Variants in RPTOR observed in about 807,000 individuals in gnomAD.
RPTOR encodes the protein regulatory associated protein of MTOR complex 1, also known as regulatory-associated protein of mTOR.
Under a neutral mutation model 169.9 loss-of-function variants are expected in RPTOR, and 21 were observed. That is an observed-to-expected ratio of 0.12 (90% CI 0.09 to 0.18). The LOEUF (loss-of-function observed/expected upper bound fraction) is 0.18, where lower values mean the gene tolerates loss of function less well. Among genes scored for constraint, RPTOR ranks in the 10% least tolerant of loss-of-function variants. The pLI, the probability that RPTOR is intolerant of heterozygous loss-of-function variation, is 1.00. For missense variants in RPTOR, 1,133 were observed against 1,855.9 expected (o/e 0.61, Z 7.16); for synonymous variants, 732 against 753.2 (o/e 0.97, Z 0.46).
At position 80,626,776 on chromosome 17, in the gene RPTOR, AATTATTATTATTATTATT is replaced by A. The variant is rs143412094; in HGVS notation, c.265+1002_265+1019del. Among the ~76,000 whole-genome samples the A allele has an allele frequency of 3.1e-3, 437 of 141,020 alleles. 4 individuals are homozygous for A. Among genetic ancestry groups the A allele is most frequent in the African/African-American group, 0.011 (400 of 37,886 alleles). 92.5% of individuals were successfully genotyped at this position (141,020 alleles called of 152,430 possible). On this transcript the variant is annotated intron_variant, in intron 2 of 33. Transcript: ENST00000306801. ...AGACAACACAAAATACCATTCTAGG[AATTATTATTATTATTATT>A]ATTATTATTATTATTATTTTTCATT...
chr17:80,773,913 C>G (rs1001800023), intron 6 of RPTOR: 1 of 985,250 alleles, frequency 1.0e-6, no homozygotes, highest in African/African-American at 1.7e-5. Context: ...AGACAGCTCC[C>G]GGTGGACACG....
At chr17:80,963,941 T>G (rs1199923359) in intron 33 of RPTOR, among the ~76,000 whole-genome samples, 2 of 152,160 alleles carry the variant, frequency 1.3e-5, no homozygotes, top group East Asian at 1.9e-4. Flanking sequence ...TCTGCCCACC[T>G]GCCGCCTTGT....
intron 9 of RPTOR, among the ~76,000 whole-genome samples, chr17:80,829,328 G>T (rs1012805515): frequency 6.6e-6 from 1 of 152,208 alleles, no homozygotes. Flanking sequence ...AGGAGGGCGC[G>T]GGCATGGGTA....
chr17:80,559,390 C>T (rs1211592517), intron 1 of RPTOR, among the ~76,000 whole-genome samples: 7 of 152,162 alleles, frequency 4.6e-5, no homozygotes, highest in South Asian at 2.1e-4. Context: ...TTTGGGAGCA[C>T]GTCCTGACTT....
intron 26 of RPTOR, 77 bp downstream of exon 26, chr17:80,945,858 A>C: frequency 1.3e-6 from 1 of 790,308 alleles, no homozygotes; most frequent in Non-Finnish European, 1.9e-6. Flanking sequence ...CCCGATCACC[A>C]CTCCTCTTCC....
chr17:80,962,872 A>C lies in RPTOR; in HGVS notation c.3810-56A>C, dbSNP rs2069363437. 1.9e-6 allele frequency: 3 copies of C among 1,608,088 alleles called. No individual in the cohort carries two copies. In the Admixed American group the frequency reaches 5.0e-5, roughly 27 times the overall value. On this transcript the variant is annotated intron_variant, in intron 32 of 33. Coordinates refer to ENST00000306801, the MANE Select transcript of RPTOR (RefSeq NM_020761.3). ...CCCCGCGGTCTCGGCATCTGCGCCC[A>C]TCTTCCATCCTCAAAGAAGAGGGCA...
At chr17:80,930,033 C>CTAGCTCATCCT (rs1555636861) in intron 24 of RPTOR, among the ~76,000 whole-genome samples, 1 of 148,930 alleles carries the variant, frequency 6.7e-6, no homozygotes, top group Admixed American at 6.7e-5. Context: ...TGGCTCATCC[C>CTAGCTCATCCT]CAGCTCATCC....
chr17:80,728,237 TTC>T (rs749190122), intron 4 of RPTOR, among the ~76,000 whole-genome samples: 24 of 152,210 alleles, frequency 1.6e-4, no homozygotes, highest in African/African-American at 5.5e-4. Flanking sequence ...ATCTAAAAAA[TTC>T]TCTGTCATGT....
At chr17:80,652,502 T>G (rs1194431973) in intron 3 of RPTOR, among the ~76,000 whole-genome samples, 2 of 152,362 alleles carry the variant, frequency 1.3e-5, no homozygotes, top group East Asian at 3.9e-4. Context: ...CCTTCTTGTG[T>G]GTGCATGTGT....
At chr17:80,827,984 C>T (rs963815746) in intron 9 of RPTOR, among the ~76,000 whole-genome samples, 6 of 152,198 alleles carry the variant, frequency 3.9e-5, no homozygotes, top group Admixed American at 2.0e-4. Flanking sequence ...TGCCAGCCTG[C>T]CCCATGCTGA....
rs576530045 is a variant in RPTOR, at chr17:80,665,316, T to C, written c.348+21506T>C. On this transcript the variant is annotated intron_variant, in intron 3 of 33. Transcript: ENST00000306801. The stretch of plus-strand genomic sequence containing the variant: ...TGCTTGTTTTCTTCTTGAGAAAATT[T>C]TTTTCTTTTCTTTTCCCTTTCCTTT... 4.1e-3 allele frequency among the ~76,000 whole-genome samples: 519 copies of C among 128,074 alleles called. 5 individuals are homozygous for C. Among genetic ancestry groups the C allele is most frequent in the African/African-American group, 0.017 (497 of 29,838 alleles). 84.0% of individuals were successfully genotyped at this position (128,074 alleles called of 152,430 possible). A position where few individuals can be genotyped will look rare whatever the true frequency, so the allele number is the denominator to read the frequency against.
intron 7 of RPTOR, among the ~76,000 whole-genome samples, chr17:80,812,570 G>A (rs567090305): frequency 2.6e-5 from 4 of 152,202 alleles, no homozygotes; most frequent in East Asian, 1.9e-4. Flanking sequence ...TCTACTCAGC[G>A]TCCCTGCTGC....
intron 5 of RPTOR, among the ~76,000 whole-genome samples, chr17:80,744,420 G>C (rs1598274446): frequency 9.4e-6 from 1 of 106,494 alleles, no homozygotes; most frequent in Admixed American, 8.2e-5. Flanking sequence ...CACAGCCCTG[G>C]CTACTAGCAC....
intron 20 of RPTOR, among the ~76,000 whole-genome samples, chr17:80,895,198 G>GCCCCGGCCTACCCGGC (rs1567973803): frequency 1.3e-5 from 2 of 152,154 alleles, no homozygotes; most frequent in Non-Finnish European, 2.9e-5. Flanking sequence ...GCTCTGCTGG[G>GCCCCGGCCTACCCGGC]CCCCAGCCTA....
chr17:80,840,286 T>G (rs2067613303), intron 10 of RPTOR, among the ~76,000 whole-genome samples: 1 of 151,146 alleles, frequency 6.6e-6, no homozygotes, highest in African/African-American at 2.4e-5. Context: ...GCTCACTCTC[T>G]CTGCACCGCA....
intron 3 of RPTOR, among the ~76,000 whole-genome samples, chr17:80,650,130 A>G (rs1657405879): frequency 6.6e-6 from 1 of 152,248 alleles, no homozygotes; most frequent in African/African-American, 2.4e-5. Flanking sequence ...ATGGTTCTGC[A>G]GCCTCCTGGA....
chr17:80,950,130 C>G (rs9909125), intron 28 of RPTOR, among the ~76,000 whole-genome samples: 15 of 152,202 alleles, frequency 9.9e-5, no homozygotes, highest in African/African-American at 3.4e-4. Context: ...TTAGGAGGCT[C>G]CCGGGGTCAG....
chr17:80,782,664 C>T (rs1469810058), intron 6 of RPTOR, among the ~76,000 whole-genome samples: 1 of 152,150 alleles, frequency 6.6e-6, no homozygotes, highest in Non-Finnish European at 1.5e-5. Flanking sequence ...TGAATTAGAA[C>T]CGAGCAGCCC....
chr17:80,700,541 A>G (rs147716922), intron 3 of RPTOR, among the ~76,000 whole-genome samples: 38,735 of 80,318 alleles, frequency 0.48, 7,046 homozygotes, highest in Admixed American at 0.6. Context: ...GGTGGTGATG[A>G]TGATGGTGGT....
Sources: allele counts gnomAD v4.1 joint callset (sites outside exome capture counted in the v4.1 genomes callset), GRCh38; gene constraint gnomAD v4.1.1; transcripts MANE v1.5; gene names NCBI Gene and HGNC (gene_info 2026-07-23, HGNC 2026-07-21).